TAPT1: variants seen among roughly 807,000 people sequenced by gnomAD.
TAPT1 encodes transmembrane anterior posterior transformation 1.
TAPT1 carries 28 observed loss-of-function variants against 65.6 expected under a neutral mutation model. That is an observed-to-expected ratio of 0.43 (90% confidence interval 0.32 to 0.59). The LOEUF is 0.59. TAPT1 is among the 20% of genes least tolerant of loss of function. The pLI is 0.09. For synonymous variants in TAPT1, 278 were observed against 245.2 expected, an observed-to-expected ratio of 1.13 and a Z score of -1.25; for missense variants, 563 against 679.9, an observed-to-expected ratio of 0.83 and a Z score of 1.91.
In TAPT1 at chr4:16,176,140, T is replaced by C; in HGVS notation, c.1086A>G (p.Lys362=). ...VDIVKHAFIT[K]FNDITADVYS... ...ATACATCTGCAGTAATGTCATTGAA[T>C]TTAGTAATAAAGGCATGTTTTACAA... Residue 362 remains lysine, a synonymous_variant, in exon 9 of 14, where the codon AAA becomes AAG. Transcript: ENST00000405303. 1 of 1,550,644 alleles carries C rather than the reference T, an allele frequency of 6.4e-7. No homozygotes were observed. Among genetic ancestry groups the C allele is most frequent in the African/African-American group, 1.4e-5 (1 of 73,432 alleles).
intron 2 of TAPT1, among the ~76,000 whole-genome samples, chr4:16,210,521 G>T (rs1438624640): frequency 6.6e-6 from 1 of 152,152 alleles, no homozygotes; most frequent in African/African-American, 2.4e-5. Flanking sequence ...TGATGTGAAG[G>T]TTGTGAAAAA....
intron 3 of TAPT1, among the ~76,000 whole-genome samples, chr4:16,201,951 A>G (rs1750057589): frequency 6.6e-6 from 1 of 152,140 alleles, no homozygotes; most frequent in African/African-American, 2.4e-5. Context: ...ACTCTCACAA[A>G]TCAGTCTCGT....
chr4:16,220,408 T>A (rs1002275411), intron 1 of TAPT1, among the ~76,000 whole-genome samples: 1 of 152,376 alleles, frequency 6.6e-6, no homozygotes, highest in African/African-American at 2.4e-5. Flanking sequence ...TTCTGAACAC[T>A]GATTTCAGTT....
At position 16,186,896 on chromosome 4, in the gene TAPT1, A is replaced by G; in HGVS notation, c.749-18T>C. On this transcript the variant is annotated intron_variant, in intron 5 of 13. Transcript: ENST00000405303. ...ATGCAAAACTAATAGAAGGTCAAGG[A>G]AAAAACTTAAATTTGCTTTCATATT... 1 of 1,497,108 alleles carries G rather than the reference A, an allele frequency of 6.7e-7. No individual in the cohort carries two copies. Among genetic ancestry groups the G allele is most frequent in the South Asian group, 1.2e-5 (1 of 86,542 alleles). 92.7% of individuals were successfully genotyped at this position (1,497,108 alleles called of 1,614,324 possible). A position where few individuals can be genotyped will look rare whatever the true frequency, so the allele number is the denominator to read the frequency against.
upstream of TAPT1, chr4:16,226,557 G>A: frequency 1.4e-6 from 1 of 728,072 alleles, no homozygotes; most frequent in Non-Finnish European, 1.7e-6. Context: ...AGCCCGAGCC[G>A]CCGCCGCCGC....
rs141906189 is a variant in TAPT1 at position 16,211,399 on chromosome 4, T to G, written c.330+2369A>C. 4.3e-3 allele frequency among the ~76,000 whole-genome samples: 661 copies of G among 152,206 alleles called. 5 individuals carry two copies. Among genetic ancestry groups the G allele is most frequent in the African/African-American group, 0.015 (624 of 41,534 alleles). On this transcript the variant is annotated intron_variant, in intron 2 of 13. Coordinates refer to ENST00000405303, the MANE Select transcript of TAPT1 (RefSeq NM_153365.3). ...AATAAAGGCCTTAAAGATAGCAGAG[T>G]GAATTCATGCAGTTATGAGAGATAT...
At chr4:16,194,216 CAAAGA>C (rs1336230686) in intron 3 of TAPT1, among the ~76,000 whole-genome samples, 2 of 152,164 alleles carry the variant, frequency 1.3e-5, no homozygotes, top group African/African-American at 4.8e-5. Context: ...GATAAATTAA[CAAAGA>C]AAAGTTGTAG....
chr4:16,178,306 C>A lies in TAPT1; in HGVS notation c.997+1271G>T, dbSNP rs1204111086. Reference sequence around the variant, plus strand: ...TCTTATGGTTTCTCTATGAAAAAAACTTCTGAAAATGTATCTCCAAGACCG... The same window carrying A: ...TCTTATGGTTTCTCTATGAAAAAAAATTCTGAAAATGTATCTCCAAGACCG... On this transcript the variant is annotated intron_variant, in intron 8 of 13. Coordinates refer to ENST00000405303, the MANE Select transcript of TAPT1 (RefSeq NM_153365.3). 5.3e-5 allele frequency among the ~76,000 whole-genome samples: 8 copies of A among 152,292 alleles called. No individual in the cohort carries two copies. In the South Asian group the frequency reaches 8.3e-4, roughly 16 times the overall value.
chr4:16,165,048 T>C (rs1747505166), intron 13 of TAPT1, among the ~76,000 whole-genome samples: 1 of 152,038 alleles, frequency 6.6e-6, no homozygotes, highest in Non-Finnish European at 1.5e-5. Flanking sequence ...GTCTCCATGA[T>C]CTAACTCATG....
chr4:16,220,360 TA>T (rs1281754791), intron 1 of TAPT1, among the ~76,000 whole-genome samples: 3 of 152,256 alleles, frequency 2.0e-5, no homozygotes, highest in African/African-American at 2.4e-5. Context: ...CTCTACGTTT[TA>T]AAAATAAGTA....
chr4:16,163,912 C>T (rs1747416591), intron 13 of TAPT1, among the ~76,000 whole-genome samples: 3 of 152,114 alleles, frequency 2.0e-5, no homozygotes, highest in Admixed American at 2.0e-4. Context: ...AGGGAGTGGG[C>T]CAAGAAGACT....
intron 2 of TAPT1, among the ~76,000 whole-genome samples, chr4:16,210,762 G>A (rs1413304606): frequency 2.0e-5 from 3 of 152,102 alleles, no homozygotes; most frequent in Non-Finnish European, 4.4e-5. Flanking sequence ...GAAAAATAAA[G>A]TTCCCAAAGT....
chr4:16,209,561 G>C lies in TAPT1; in HGVS notation c.330+4207C>G, dbSNP rs79646201. Among the ~76,000 whole-genome samples the C allele has an allele frequency of 7.1e-3, 1,088 of 152,278 alleles. 5 individuals carry two copies. Among genetic ancestry groups the C allele is most frequent in the Non-Finnish European group, 0.013 (872 of 68,012 alleles). On this transcript the variant is annotated intron_variant, in intron 2 of 13. Coordinates refer to ENST00000405303, the MANE Select transcript of TAPT1 (RefSeq NM_153365.3). Reference sequence around the variant, plus strand: ...TTTACTGTAGCTTTAGATTCACAAAGATGACAAAATTAGTCCTTAGACAAG... The same window carrying C: ...TTTACTGTAGCTTTAGATTCACAAACATGACAAAATTAGTCCTTAGACAAG...
At chr4:16,217,643 C>A (rs528140050) in intron 1 of TAPT1, among the ~76,000 whole-genome samples, 1 of 152,162 alleles carries the variant, frequency 6.6e-6, no homozygotes, top group Non-Finnish European at 1.5e-5. Flanking sequence ...TGGAATTAAT[C>A]AAAATGTTCA....
intron 3 of TAPT1, among the ~76,000 whole-genome samples, chr4:16,192,627 T>C (rs1460502659): frequency 6.6e-6 from 1 of 152,204 alleles, no homozygotes; most frequent in Non-Finnish European, 1.5e-5. Context: ...TAAGATTTCT[T>C]CCACTGGATT....
chr4:16,212,720 A>G (rs1354705650), intron 2 of TAPT1, among the ~76,000 whole-genome samples: 2 of 152,208 alleles, frequency 1.3e-5, no homozygotes, highest in Admixed American at 1.3e-4. Flanking sequence ...AACCACTGCC[A>G]TATTTGTTCT....
intron 1 of TAPT1, among the ~76,000 whole-genome samples, chr4:16,220,836 C>CT (rs902032798): frequency 1.8e-4 from 27 of 147,322 alleles, no homozygotes; most frequent in East Asian, 3.9e-4. Context: ...TGTGAATTTT[C>CT]TTTTTTTTTT....
At position 16,213,808 on chromosome 4, in the gene TAPT1, C is replaced by T; in HGVS notation, c.290G>A (p.Arg97Lys). Reference protein sequence around the residue: ...NEAKYTERRERVYTCLRIPRE... With the variant: ...NEAKYTERREKVYTCLRIPRE... ...TGGTATTCGCAAACAAGTGTATACT[C>T]TTTCTCTTCTTTCTGTATACTTGGC... The change falls in exon 2 of 14, where the codon AGA becomes AAA. Residue 97 changes from arginine to lysine, a missense_variant. Physicochemically the swap from Arg to Lys is conservative, Grantham distance 26. Coordinates refer to ENST00000405303, the MANE Select transcript of TAPT1 (RefSeq NM_153365.3). The T allele has an allele frequency of 1.2e-6, 2 of 1,605,332 alleles. No individual in the cohort carries two copies. The highest frequency in any genetic ancestry group is 1.7e-6 in the Non-Finnish European group (2 of 1,177,590).
chr4:16,166,519 C>T, intron 13 of TAPT1, 114 bp downstream of exon 13: 2 of 1,329,544 alleles, frequency 1.5e-6, no homozygotes, highest in Non-Finnish European at 2.1e-6. Context: ...ATTAAAAGAC[C>T]CAAAAATCTA....
Sources: allele counts gnomAD v4.1 joint callset (sites outside exome capture counted in the v4.1 genomes callset), GRCh38; gene constraint gnomAD v4.1.1; transcripts MANE v1.5; gene names NCBI Gene and HGNC (gene_info 2026-07-23, HGNC 2026-07-21).